The following DYNC2H1 variants were observed in gnomAD, a reference collection of about 807,000 sequenced individuals.
DYNC2H1 encodes dynein cytoplasmic 2 heavy chain 1.
In DYNC2H1, 410 loss-of-function variants were observed where a neutral mutation model predicts 570.0. The ratio of observed to expected loss-of-function variants is 0.72; its 90% CI spans 0.66 to 0.78. The LOEUF is 0.78. Among genes scored for constraint, DYNC2H1 ranks in the 30% least tolerant of loss-of-function variants. DYNC2H1 has a pLI of 0.00. For missense variants in DYNC2H1, 4,865 were observed against 5,046.4 expected (o/e 0.96, Z 1.09); for synonymous variants, 1,688 against 1,677.6 (o/e 1.01, Z -0.15).
chr11:103,457,001 A>T (rs1329156045), intron 87 of DYNC2H1, among the ~76,000 whole-genome samples: 1 of 152,240 alleles, frequency 6.6e-6, no homozygotes, highest in African/African-American at 2.4e-5. Context: ...CATGCACTGC[A>T]TAACGATGTT....
intron 53 of DYNC2H1, among the ~76,000 whole-genome samples, chr11:103,210,183 AG>A (rs941194946): frequency 2.6e-5 from 4 of 151,942 alleles, no homozygotes; most frequent in African/African-American, 9.7e-5. Flanking sequence ...CTACTGTGTG[AG>A]TTCAAGAAGT....
At chr11:103,440,351 C>G (rs1370183759) in intron 85 of DYNC2H1, among the ~76,000 whole-genome samples, 2 of 152,130 alleles carry the variant, frequency 1.3e-5, no homozygotes, top group Non-Finnish European at 2.9e-5. Flanking sequence ...TTAATACTTA[C>G]AGTTCATTTT....
chr11:103,282,611 T>C (rs1866185343), intron 72 of DYNC2H1, among the ~76,000 whole-genome samples: 1 of 152,014 alleles, frequency 6.6e-6, no homozygotes, highest in African/African-American at 2.4e-5. Flanking sequence ...AATTTAGCTT[T>C]TTTTCCTACT....
chr11:103,272,640 C>G (rs1259007796), intron 70 of DYNC2H1, among the ~76,000 whole-genome samples: 2 of 152,076 alleles, frequency 1.3e-5, no homozygotes, highest in Non-Finnish European at 2.9e-5. Context: ...AGTTATCTTG[C>G]TGATAAGATG....
intron 50 of DYNC2H1, among the ~76,000 whole-genome samples, chr11:103,200,552 A>T (rs944842202): frequency 2.0e-5 from 3 of 152,196 alleles, no homozygotes; most frequent in Non-Finnish European, 2.9e-5. Flanking sequence ...TATGTAAGAA[A>T]ATAGGTAGTA....
intron 54 of DYNC2H1, 105 bp downstream of exon 54, chr11:103,212,048 T>G: frequency 8.1e-7 from 1 of 1,232,706 alleles, no homozygotes; most frequent in Non-Finnish European, 1.0e-6. Context: ...TATTAATAAA[T>G]GTACTGTATT....
At chr11:103,240,528 A>G (rs572870620) in intron 63 of DYNC2H1, among the ~76,000 whole-genome samples, 124 of 152,226 alleles carry the variant, frequency 8.1e-4, no homozygotes, top group African/African-American at 2.9e-3. Flanking sequence ...CAGTAATGCA[A>G]GCTACAACCC....
At chr11:103,216,715 T>C (rs934778663) in intron 55 of DYNC2H1, among the ~76,000 whole-genome samples, 1 of 151,994 alleles carries the variant, frequency 6.6e-6, no homozygotes, top group African/African-American at 2.4e-5. Flanking sequence ...TTGCTTGAGT[T>C]TGAGAGGCAG....
chr11:103,408,429 C>G (rs541650701), intron 84 of DYNC2H1: 1 of 152,010 alleles, frequency 6.6e-6, no homozygotes, highest in African/African-American at 2.4e-5. Flanking sequence ...ATGCAATTAC[C>G]GGGCTCTACC....
At position 103,369,931 on chromosome 11, in the gene DYNC2H1, A is replaced by G. The variant is rs1246642827; in HGVS notation, c.12156+11572A>G. Among the ~76,000 whole-genome samples, 3 of 152,202 alleles carry G rather than the reference A, an allele frequency of 2.0e-5. No individual in the cohort carries two copies. Among genetic ancestry groups the G allele is most frequent in the Non-Finnish European group, 4.4e-5 (3 of 68,032 alleles). On this transcript the variant is annotated intron_variant, in intron 83 of 88. Transcript: ENST00000375735. The surrounding 1 kb of genome is among the most constrained non-coding windows in gnomAD (Gnocchi z 4.0). ...GGAGAAAGACTCCTTCCACTTGAGA[A>G]AAGCAGAGAGAAATGCAAAGGGGAC... is the stretch of plus-strand genomic sequence containing the variant.
intron 20 of DYNC2H1, among the ~76,000 whole-genome samples, chr11:103,149,146 A>G (rs1162624516): frequency 2.6e-5 from 4 of 152,212 alleles, no homozygotes; most frequent in South Asian, 2.1e-4. Flanking sequence ...TTTCAGATCT[A>G]TTTGCAGTCT....
intron 17 of DYNC2H1, 123 bp from the exon 18 acceptor site, chr11:103,143,145 T>C (rs1860046879): frequency 1.1e-6 from 1 of 938,466 alleles, no homozygotes; most frequent in African/African-American, 1.7e-5. Context: ...ATTACTTAAA[T>C]TGACACTTGA....
In DYNC2H1 at chr11:103,157,663, G is replaced by A. The variant is rs1402477889; in HGVS notation, c.4127+893G>A. Among the ~76,000 whole-genome samples the A allele has an allele frequency of 6.6e-6, 1 of 152,124 alleles. No homozygotes were observed. Among genetic ancestry groups the A allele is most frequent in the African/African-American group, 2.4e-5 (1 of 41,428 alleles). ...GTTCTGTATCTCTTACTTGGACTACGCACATTAACCTTCTGACTTGCTCTT... is the reference window on the plus strand; with the variant it reads ...GTTCTGTATCTCTTACTTGGACTACACACATTAACCTTCTGACTTGCTCTT... On this transcript the variant is annotated intron_variant, in intron 26 of 88. Coordinates refer to ENST00000375735, the MANE Select transcript of DYNC2H1 (RefSeq NM_001377.3). The surrounding 1 kb of genome is among the most constrained non-coding windows in gnomAD (Gnocchi z 4.2).
chr11:103,467,419 G>T (rs1759808220), intron 87 of DYNC2H1, among the ~76,000 whole-genome samples: 2 of 152,148 alleles, frequency 1.3e-5, no homozygotes, highest in African/African-American at 2.4e-5. Flanking sequence ...ACTGTATGTT[G>T]CTGAAAATTA....
chr11:103,263,476 G>A (rs1012353867), intron 70 of DYNC2H1, among the ~76,000 whole-genome samples: 1 of 152,102 alleles, frequency 6.6e-6, no homozygotes, highest in Non-Finnish European at 1.5e-5. Context: ...ACACTCCTCA[G>A]CAAATGGAAA....
Position 103,157,077 on chromosome 11 carries a change from G to A in DYNC2H1, c.4127+307G>A, listed in dbSNP as rs1347899761. Among the ~76,000 whole-genome samples, 1 of 152,072 alleles carries A rather than the reference G, an allele frequency of 6.6e-6. No individual in the cohort carries two copies. The highest frequency in any genetic ancestry group is 1.5e-5 in the Non-Finnish European group (1 of 68,002). ...TTTTATTTTACTTTATCTCTCATTA[G>A]TATTTAATAGAGTTGAGCATTTCTT... On this transcript the variant is annotated intron_variant, in intron 26 of 88. Transcript: ENST00000375735. This position sits in a 1 kb window ranked among gnomAD's most constrained non-coding sequence, Gnocchi z 4.2.
chr11:103,455,415 T>C lies in DYNC2H1; in HGVS notation c.12566+120T>C, dbSNP rs1468378343. 3 of 779,128 alleles carry C rather than the reference T, an allele frequency of 3.9e-6. No homozygotes were observed. The African/African-American group carries it at 5.2e-5, about 13-fold the overall frequency. 48.3% of individuals were successfully genotyped at this position (779,128 alleles called of 1,614,324 possible). On this transcript the variant is annotated intron_variant, in intron 86 of 88. Transcript: ENST00000375735. ...TAAATTTATTATTGAAACACAGTTA[T>C]GTTATTTTCTTATTCTCTACTTTAA... is the stretch of plus-strand genomic sequence containing the variant.
intron 85 of DYNC2H1, among the ~76,000 whole-genome samples, chr11:103,454,764 C>T (rs925588307): frequency 6.6e-6 from 1 of 152,128 alleles, no homozygotes; most frequent in Non-Finnish European, 1.5e-5. Flanking sequence ...ACATTGCCCT[C>T]CACTGTTGTA....
At position 103,243,761 on chromosome 11, in the gene DYNC2H1, A is replaced by G. The variant is rs1257192572; in HGVS notation, c.9888A>G (p.Lys3296=). The change falls in exon 64 of 89, where the codon AAA becomes AAG. Residue 3296 remains lysine (K), a synonymous_variant. Transcript: ENST00000375735. This position sits in a 1 kb window ranked among gnomAD's most constrained non-coding sequence, Gnocchi z 4.8. ...CAGAGTGGTTAAAAACACATTTGAA[A>G]GACTCACGTTTAGAAGTTATCAATC... ...QATEWLKTHL[K]DSRLEVINQQ... The G allele has an allele frequency of 6.9e-6, 11 of 1,601,452 alleles. No individual in the cohort carries two copies. The highest frequency in any genetic ancestry group is 1.3e-5 in the African/African-American group (1 of 74,580).
Sources: gnomAD v4.1 joint callset for allele counts (sites outside exome capture counted in the v4.1 genomes callset) on GRCh38, gnomAD v4.1.1 for gene constraint, Gnocchi (gnomAD v3.1) non-coding constraint, MANE v1.5 for transcripts, NCBI Gene and HGNC (gene_info 2026-07-23, HGNC 2026-07-21) for gene names.